Variants in PLXNB3 observed in about 807,000 individuals in gnomAD.
PLXNB3 encodes the protein plexin-B3.
In PLXNB3, 80 loss-of-function variants were observed where a neutral mutation model predicts 125.7. That is an observed-to-expected ratio of 0.64 (90% CI 0.53 to 0.77). PLXNB3 has a LOEUF of 0.77. PLXNB3 is among the 30% of genes least tolerant of loss of function. The probability of loss-of-function intolerance (pLI) is 0.00; values close to 1 mark genes in which losing one functional copy is unlikely to be tolerated. For synonymous variants in PLXNB3, 954 were observed against 783.3 expected, an observed-to-expected ratio of 1.22 and a Z score of -3.64; for missense variants, 1,836 against 1,729.3, an observed-to-expected ratio of 1.06 and a Z score of -1.09.
At position 153,770,366 on chromosome X, in the gene PLXNB3, G is replaced by A. The variant is rs949435109; in HGVS notation, c.1815G>A (p.Met605Ile). The change falls in exon 9 of 36, where the codon ATG becomes ATA. Residue 605 changes from methionine to isoleucine, a missense_variant. Transcript: ENST00000361971. ...TDHVTVPLAL[M>I]FEDVTVAATN... ...ACGTCACTGTGCCCCTGGCCCTGATGTTCGAGGACGTGACTGTGGCTGCCA... is the reference window on the plus strand; with the variant it reads ...ACGTCACTGTGCCCCTGGCCCTGATATTCGAGGACGTGACTGTGGCTGCCA... The A allele has an allele frequency of 2.9e-5, 35 of 1,210,716 alleles. No individual in the cohort carries two copies. The highest frequency in any genetic ancestry group is 3.8e-5 in the Non-Finnish European group (34 of 895,041).
At position 153,770,990 on chromosome X, in the gene PLXNB3, G is replaced by C. The variant is rs1557061626; in HGVS notation, c.2162G>C (p.Trp721Ser). 8.3e-7 allele frequency: 1 copy of C among 1,211,104 alleles called. No individual in the cohort carries two copies. The highest frequency in any genetic ancestry group is 1.8e-5 in the South Asian group (1 of 57,038). The change falls in exon 12 of 36, where the codon TGG becomes TCG. Residue 721 changes from tryptophan (W) to serine (S), a missense_variant. Coordinates refer to ENST00000361971, the MANE Select transcript of PLXNB3 (RefSeq NM_005393.3). ...GGCCTGCCTGCCTCCTTCCACTGCT[G>C]GCTGGAGCTGCCTGGAGAACTTCGG... is the stretch of plus-strand genomic sequence containing the variant. ...FRGLPASFHC[W>S]LELPGELRGL...
chrX:153,769,122 G>A, intron 5 of PLXNB3, 40 bp from the exon 6 acceptor site: 4 of 1,201,389 alleles, frequency 3.3e-6, no homozygotes, highest in Non-Finnish European at 4.5e-6. Context: ...CGCGGCCCAA[G>A]TCTCGTGCCC....
In PLXNB3 at chrX:153,774,270, C is replaced by T. The variant is rs370950098; in HGVS notation, c.3604C>T (p.Arg1202Cys). The T allele has an allele frequency of 5.4e-5, 64 of 1,178,609 alleles. No homozygotes were observed. The highest frequency in any genetic ancestry group is 2.1e-4 in the African/African-American group (12 of 57,086). The change falls in exon 21 of 36, where the codon CGC (arginine) becomes TGC (cysteine). Residue 1202 changes from arginine (R) to cysteine (C), a missense_variant. Coordinates refer to ENST00000361971, the MANE Select transcript of PLXNB3 (RefSeq NM_005393.3). ...CGAGTGCCTGGTGAAGACGCTCACG[C>T]GCACCCACCTGTACTGCGAGCCGCC... Reference protein sequence around the residue: ...RGECLVKTLTRTHLYCEPPAH... With the variant: ...RGECLVKTLTCTHLYCEPPAH...
In PLXNB3 at chrX:153,771,351, C is replaced by G. The variant is rs1333735113; in HGVS notation, c.2295C>G (p.Ile765Met). 5.0e-6 allele frequency: 6 copies of G among 1,209,480 alleles called. No homozygotes were observed. In the African/African-American group the frequency reaches 7.0e-5, roughly 14 times the overall value. Residue 765 changes from isoleucine to methionine, a missense_variant, in exon 13 of 36, where the codon ATC becomes ATG. Physicochemically the swap from Ile to Met is conservative, Grantham distance 10 (BLOSUM62 1). Coordinates refer to ENST00000361971, the MANE Select transcript of PLXNB3 (RefSeq NM_005393.3). The stretch of plus-strand genomic sequence containing the variant: ...CCCAGCGGGAGCTCCCAGTGCCCAT[C>G]TACGTCACCCAGGGTGAAGCCCAGA... Reference protein sequence around the residue: ...SMSQRELPVPIYVTQGEAQRL... With the variant: ...SMSQRELPVPMYVTQGEAQRL...
At chrX:153,771,753 C>T in intron 14 of PLXNB3, 98 bp downstream of exon 14, 1 of 1,127,220 alleles carries the variant, frequency 8.9e-7, no homozygotes, top group African/African-American at 1.8e-5. Flanking sequence ...CCCAGGCCCC[C>T]AAACCCCAGC....
chrX:153,772,528 G>C (rs1427265625), intron 16 of PLXNB3, among the ~76,000 whole-genome samples: 2 of 112,028 alleles, frequency 1.8e-5, no homozygotes, highest in African/African-American at 6.5e-5. Flanking sequence ...GGGAAGCCTG[G>C]GACAGGAGCA....
Position 153,773,316 on chromosome X carries a change from G to A in PLXNB3, c.2993G>A (p.Gly998Asp), listed in dbSNP as rs782060904. ...PGEAAVLVVF[G>D]HAQRTLLASP... ...GAAGCAGCGGTCCTTGTGGTCTTTG[G>A]CCATGCCCAGCGCACACTGCTCGCC... The change falls in exon 18 of 36, where the codon GGC (glycine) becomes GAC (aspartate). Residue 998 changes from glycine (G) to aspartate (D), a missense_variant. By Grantham distance (94) the Gly-to-Asp change is moderately conservative. Transcript: ENST00000361971. 8.3e-7 allele frequency: 1 copy of A among 1,209,688 alleles called. No individual in the cohort carries two copies. Among genetic ancestry groups the A allele is most frequent in the African/African-American group, 1.7e-5 (1 of 57,910 alleles).
Position 153,775,371 on chromosome X carries a change from C to T in PLXNB3, c.4302C>T (p.Tyr1434=), listed in dbSNP as rs782399487. Residue 1434 remains tyrosine, a synonymous_variant, in exon 25 of 36, where the codon TAC becomes TAT. Transcript: ENST00000361971. ...RTLLGDLAAH[Y]VHRNPKLMLR... is the part of the protein sequence containing the mutation. ...TGCTGGGTGACCTGGCGGCCCATTA[C>T]GTGCACAGGAACCCCAAGCTCATGC... 84 of 1,207,197 alleles carry T rather than the reference C, an allele frequency of 7.0e-5. 1 individual carries two copies. The South Asian group carries it at 1.4e-3, about 20-fold the overall frequency.
chrX:153,773,496 C>A, intron 18 of PLXNB3, 22 bp from the exon 19 acceptor site: 4 of 1,187,119 alleles, frequency 3.4e-6, no homozygotes, highest in Non-Finnish European at 4.5e-6. Flanking sequence ...CCCGCCCACA[C>A]CCGACTGCCA....
intron 1 of PLXNB3, among the ~76,000 whole-genome samples, chrX:153,765,213 G>A (rs1332657380): frequency 8.8e-6 from 1 of 113,090 alleles, no homozygotes; most frequent in East Asian, 2.8e-4. Flanking sequence ...CTGAGGGTGG[G>A]AAGTGGCAAG....
Position 153,772,032 on chromosome X carries a change from G to A in PLXNB3, c.2669+17G>A. 1 of 1,176,085 alleles carries A rather than the reference G, an allele frequency of 8.5e-7. No homozygotes were observed. The highest frequency in any genetic ancestry group is 1.9e-5 in the South Asian group (1 of 51,454). ...GTCGGCCCGGTGAGGCACTTGGAGG[G>A]TGAAGATGGGTGGGGAGGCCCTCAG... On this transcript the variant is annotated intron_variant, in intron 15 of 35. Coordinates refer to ENST00000361971, the MANE Select transcript of PLXNB3 (RefSeq NM_005393.3).
chrX:153,773,426 C>T lies in PLXNB3; in HGVS notation c.3083+20C>T. The T allele has an allele frequency of 8.4e-7, 1 of 1,194,327 alleles. No homozygotes were observed. The highest frequency in any genetic ancestry group is 1.1e-6 in the Non-Finnish European group (1 of 885,436). On this transcript the variant is annotated intron_variant, in intron 18 of 35. Coordinates refer to ENST00000361971, the MANE Select transcript of PLXNB3 (RefSeq NM_005393.3). The stretch of plus-strand genomic sequence containing the variant: ...CCGGGGGTGAGGGTCAGCCCGCAGG[C>T]CAGCCTGTGCACCACGCAGGAGGGA...
chrX:153,777,035 ACTC>A (rs1386683745), intron 29 of PLXNB3, 55 bp downstream of exon 29: 1 of 988,766 alleles, frequency 1.0e-6, no homozygotes, highest in East Asian at 3.3e-5. Context: ...GGCAGGCAGA[ACTC>A]CTGGCCATGC....
intron 10 of PLXNB3, 43 bp from the exon 11 acceptor site, chrX:153,770,715 G>A (rs1557061493): frequency 4.1e-6 from 5 of 1,205,405 alleles, no homozygotes; most frequent in African/African-American, 3.5e-5. Flanking sequence ...CCCAGCAGTA[G>A]GCCCTTTGAG....
chrX:153,768,202 C>A, intron 3 of PLXNB3, 47 bp from the exon 4 acceptor site: 1 of 1,119,543 alleles, frequency 8.9e-7, no homozygotes, highest in Non-Finnish European at 1.2e-6. Flanking sequence ...CCCTGACTGC[C>A]TCTCTGCTCT....
chrX:153,778,076 C>T lies in PLXNB3; in HGVS notation c.5390C>T (p.Ser1797Leu), dbSNP rs781784671. 84 of 1,210,325 alleles carry T rather than the reference C, an allele frequency of 6.9e-5. No homozygotes were observed. In the Middle Eastern group the frequency reaches 9.1e-4, roughly 13 times the overall value. ...AQTFIDSCTT[S>L]EHKVGRDSPV... ...ACCTTCATTGACTCCTGTACCACCT[C>T]GGAGCATAAAGTGGGCCGGGTGAGA... The change falls in exon 32 of 36, where the codon TCG (serine) becomes TTG (leucine). Residue 1797 changes from serine to leucine, a missense_variant. Ser to Leu is a moderately radical substitution (Grantham distance 145). Coordinates refer to ENST00000361971, the MANE Select transcript of PLXNB3 (RefSeq NM_005393.3).
chrX:153,766,864 C>G lies in PLXNB3; in HGVS notation c.46-9C>G. On this transcript the variant is annotated splice_polypyrimidine_tract_variant and intron_variant, in intron 2 of 35. Coordinates refer to ENST00000361971, the MANE Select transcript of PLXNB3 (RefSeq NM_005393.3). ...CGCTCCCACTGCCCTGACCTGTGCC[C>G]TCTCACAGGCCCCCGTGATGGCTCG... The G allele has an allele frequency of 8.4e-7, 1 of 1,187,132 alleles. No individual in the cohort carries two copies. Among genetic ancestry groups the G allele is most frequent in the Non-Finnish European group, 1.1e-6 (1 of 884,655 alleles).
At chrX:153,777,852 T>A in intron 31 of PLXNB3, 96 bp from the exon 32 acceptor site, 10 of 1,104,502 alleles carry the variant, frequency 9.1e-6, no homozygotes, top group Non-Finnish European at 1.2e-5. Flanking sequence ...CAGCGGCCCC[T>A]GGCTCCGAGT....
At position 153,773,953 on chromosome X, in the gene PLXNB3, C is replaced by T; in HGVS notation, c.3374C>T (p.Thr1125Ile). Residue 1125 changes from threonine (T) to isoleucine (I), a missense_variant, in exon 20 of 36, where the codon ACC (threonine) becomes ATC (isoleucine). Physicochemically the swap from Thr to Ile is moderately conservative, Grantham distance 89 (BLOSUM62 -1). Transcript: ENST00000361971. ...GCCCACCCGCAGCGGGTCTTCTTCA[C>T]CCTAGACAACGTGCAAGTGGACTTC... ...DRAHPQRVFF[T>I]LDNVQVDFAS... 15 of 1,210,895 alleles carry T rather than the reference C, an allele frequency of 1.2e-5. No homozygotes were observed. The highest frequency in any genetic ancestry group is 1.7e-5 in the African/African-American group (1 of 57,993).
Sources: gnomAD v4.1 joint callset for allele counts (sites outside exome capture counted in the v4.1 genomes callset) on GRCh38, gnomAD v4.1.1 for gene constraint, MANE v1.5 for transcripts, NCBI Gene and HGNC (gene_info 2026-07-23, HGNC 2026-07-21) for gene names.